The following CACNA1D variants were observed in gnomAD, a reference collection of about 807,000 sequenced individuals.
The protein encoded by CACNA1D is voltage-dependent L-type calcium channel subunit alpha-1D.
A neutral mutation model predicts 257.1 loss-of-function variants in CACNA1D; 55 were observed. That is an observed-to-expected ratio of 0.21 (90% CI 0.17 to 0.27). CACNA1D has a LOEUF of 0.27. Ranked by LOEUF, CACNA1D falls within the 10% of genes least tolerant of loss-of-function variation. The pLI, the probability that CACNA1D is intolerant of heterozygous loss-of-function variation, is 1.00. For missense variants in CACNA1D, 1,876 were observed against 2,784.0 expected, an observed-to-expected ratio of 0.67 and a Z score of 7.34; for synonymous variants, 980 against 1,014.9, an observed-to-expected ratio of 0.97 and a Z score of 0.65.
intron 8 of CACNA1D, among the ~76,000 whole-genome samples, chr3:53,685,188 A>C (rs577607186): frequency 9.9e-4 from 150 of 151,988 alleles, no homozygotes; most frequent in African/African-American, 3.5e-3. Flanking sequence ...GTTGGACTTT[A>C]GTATAAGGAA....
intron 3 of CACNA1D, among the ~76,000 whole-genome samples, chr3:53,513,927 A>G (rs2091223321): frequency 6.6e-6 from 1 of 152,236 alleles, no homozygotes; most frequent in Non-Finnish European, 1.5e-5. Flanking sequence ...GCGATCCCAT[A>G]TAACCTAGGT....
chr3:53,760,642 G>A (rs1298415549), intron 29 of CACNA1D, among the ~76,000 whole-genome samples: 1 of 152,190 alleles, frequency 6.6e-6, no homozygotes, highest in Non-Finnish European at 1.5e-5. Context: ...GAGACCACAG[G>A]CACTCATTTA....
At chr3:53,521,978 A>AG (rs1214979010) in intron 3 of CACNA1D, among the ~76,000 whole-genome samples, 49 of 150,962 alleles carry the variant, frequency 3.2e-4, no homozygotes, top group African/African-American at 1.2e-3. Context: ...AAAAAAAAAA[A>AG]GAAATTAGCC....
At chr3:53,731,467 G>A (rs1158881355) in intron 17 of CACNA1D, among the ~76,000 whole-genome samples, 7 of 152,164 alleles carry the variant, frequency 4.6e-5, no homozygotes, top group African/African-American at 9.7e-5. Context: ...CTTCTGAGTG[G>A]GTATGAAAAT....
At chr3:53,633,064 G>A (rs1156362248) in intron 3 of CACNA1D, among the ~76,000 whole-genome samples, 1 of 152,230 alleles carries the variant, frequency 6.6e-6, no homozygotes, top group Non-Finnish European at 1.5e-5. Flanking sequence ...TGCATTGTCT[G>A]TGAAGCTCAA....
intron 5 of CACNA1D, among the ~76,000 whole-genome samples, chr3:53,662,395 G>A (rs1576273573): frequency 3.3e-5 from 5 of 152,162 alleles, no homozygotes; most frequent in East Asian, 3.9e-4. Context: ...ACAGCCCCGC[G>A]ACCTCAGCAC....
At chr3:53,607,273 C>T (rs547023095) in intron 3 of CACNA1D, among the ~76,000 whole-genome samples, 3 of 152,220 alleles carry the variant, frequency 2.0e-5, no homozygotes, top group African/African-American at 7.2e-5. Flanking sequence ...CACCTGTGAA[C>T]GTATTATGTT....
chr3:53,520,899 C>CTTTCTTTTT (rs2091543003), intron 3 of CACNA1D, among the ~76,000 whole-genome samples: 3 of 98,116 alleles, frequency 3.1e-5, no homozygotes, highest in Non-Finnish European at 4.3e-5. Flanking sequence ...TCTTTCTTTT[C>CTTTCTTTTT]TTTTCTTTTC....
chr3:53,529,193 A>G (rs534665218), intron 3 of CACNA1D, among the ~76,000 whole-genome samples: 35 of 152,022 alleles, frequency 2.3e-4, no homozygotes, highest in African/African-American at 8.2e-4. Flanking sequence ...TTCTGTTTCT[A>G]TTTTCCTGAG....
intron 3 of CACNA1D, among the ~76,000 whole-genome samples, chr3:53,611,477 A>G (rs992259618): frequency 1.3e-5 from 2 of 152,218 alleles, no homozygotes; most frequent in African/African-American, 4.8e-5. Context: ...TTTTCTTGAT[A>G]TCAGTTTTTG....
Position 53,638,117 on chromosome 3 carries a change from G to A in CACNA1D, c.484-12662G>A, listed in dbSNP as rs537113818. 3.7e-4 allele frequency among the ~76,000 whole-genome samples: 57 copies of A among 152,342 alleles called. 1 individual carries two copies. Among genetic ancestry groups the A allele is most frequent in the Non-Finnish European group, 4.4e-4 (30 of 68,018 alleles). The stretch of plus-strand genomic sequence containing the variant: ...TAGTTTCTCTGATGAGATGAGTGCT[G>A]CCTGTTCTCCACTGACCCACAGACA... On this transcript the variant is annotated intron_variant, in intron 3 of 47. Transcript: ENST00000350061.
chr3:53,756,630 C>T (rs1030236354), intron 29 of CACNA1D, among the ~76,000 whole-genome samples: 1 of 152,186 alleles, frequency 6.6e-6, no homozygotes, highest in Admixed American at 6.5e-5. Flanking sequence ...GTAGGGTTTT[C>T]AAAAGCAGGC....
At chr3:53,806,926 C>T (rs2095569107) in intron 45 of CACNA1D, among the ~76,000 whole-genome samples, 1 of 152,224 alleles carries the variant, frequency 6.6e-6, no homozygotes, top group South Asian at 2.1e-4. Flanking sequence ...TGTCTACTGC[C>T]TACTTGGCCA....
chr3:53,651,120 CGTT>C, intron 4 of CACNA1D, among the ~76,000 whole-genome samples: 1 of 152,184 alleles, frequency 6.6e-6, no homozygotes, highest in African/African-American at 2.4e-5. Context: ...GAAATTCTCT[CGTT>C]GTTACTCCCG....
chr3:53,691,978 T>G lies in CACNA1D; in HGVS notation c.1221-10663T>G, dbSNP rs9863726. ...ATACAAGACTCCTGCTTGTTTTTGT[T>G]TATCAATGGCACGATGGGTGTAGTT... is the stretch of plus-strand genomic sequence containing the variant. On this transcript the variant is annotated intron_variant, in intron 8 of 47. Transcript: ENST00000350061. 6.2e-3 allele frequency among the ~76,000 whole-genome samples: 800 copies of G among 128,322 alleles called. 9 individuals carry two copies. The highest frequency in any genetic ancestry group is 0.022 in the African/African-American group (756 of 33,946). 84.2% of individuals were successfully genotyped at this position (128,322 alleles called of 152,430 possible).
chr3:53,601,704 T>A (rs1046759209), intron 3 of CACNA1D, among the ~76,000 whole-genome samples: 1 of 152,146 alleles, frequency 6.6e-6, no homozygotes, highest in Non-Finnish European at 1.5e-5. Flanking sequence ...CCCCTTTTTT[T>A]ATTTTTTATT....
chr3:53,570,868 A>G (rs757244976), intron 3 of CACNA1D, among the ~76,000 whole-genome samples: 1 of 152,228 alleles, frequency 6.6e-6, no homozygotes, highest in Non-Finnish European at 1.5e-5. Flanking sequence ...TCCTGGAAAA[A>G]GTGAGCTTGG....
chr3:53,666,600 A>G, intron 7 of CACNA1D, 65 bp downstream of exon 7: 1 of 1,351,752 alleles, frequency 7.4e-7, no homozygotes, highest in Non-Finnish European at 1.1e-6. Context: ...TTTGTGAGCT[A>G]GAGCCACTGG....
chr3:53,798,117 G>T (rs1202219009), intron 40 of CACNA1D: 2 of 152,198 alleles, frequency 1.3e-5, no homozygotes, highest in African/African-American at 4.8e-5. Context: ...GTTTAGTACT[G>T]CCGGGTATGA....
Sources: allele counts gnomAD v4.1 joint callset (sites outside exome capture counted in the v4.1 genomes callset), GRCh38; gene constraint gnomAD v4.1.1; transcripts MANE v1.5; gene names NCBI Gene and HGNC (gene_info 2026-07-23, HGNC 2026-07-21).